Variants in CNTNAP2 observed in about 807,000 individuals in gnomAD.
CNTNAP2 encodes contactin-associated protein-like 2.
Under a neutral mutation model 155.2 loss-of-function variants are expected in CNTNAP2, and 98 were observed. The ratio of observed to expected loss-of-function variants is 0.63; its 90% CI spans 0.54 to 0.75. The LOEUF is 0.75. Among genes scored for constraint, CNTNAP2 ranks in the 30% least tolerant of loss-of-function variants. The pLI is 0.00. For missense variants in CNTNAP2, 1,727 were observed against 1,688.1 expected (o/e 1.02, Z -0.40); for synonymous variants, 651 against 631.2 (o/e 1.03, Z -0.47).
At chr7:146,238,191 A>G (rs527413192) in intron 1 of CNTNAP2, among the ~76,000 whole-genome samples, 3 of 152,316 alleles carry the variant, frequency 2.0e-5, no homozygotes, top group African/African-American at 7.2e-5. Flanking sequence ...ATATTTTCAT[A>G]AAGCTCTTCT....
At chr7:146,767,959 C>G (rs1802226680) in intron 1 of CNTNAP2, among the ~76,000 whole-genome samples, 1 of 151,958 alleles carries the variant, frequency 6.6e-6, no homozygotes, top group Non-Finnish European at 1.5e-5. Context: ...ACGCCTTTCA[C>G]CAAAAAGTAT....
At chr7:147,539,760 A>C (rs1360198660) in intron 11 of CNTNAP2, among the ~76,000 whole-genome samples, 1 of 152,236 alleles carries the variant, frequency 6.6e-6, no homozygotes, top group African/African-American at 2.4e-5. Flanking sequence ...CACAACCCAA[A>C]GAATCAGGGA....
In CNTNAP2 at chr7:146,679,618, G is replaced by C. The variant is rs140214896; in HGVS notation, c.98-94653G>C. ...GATCCGCCTGCCTTGGCCTCCCAAA[G>C]TGCTAGGATTACAGGCGTGAGCCAC... On this transcript the variant is annotated intron_variant, in intron 1 of 23. Coordinates refer to ENST00000361727, the MANE Select transcript of CNTNAP2 (RefSeq NM_014141.6). Among the ~76,000 whole-genome samples the C allele has an allele frequency of 3.5e-4, 54 of 152,202 alleles. 4 individuals carry two copies. The East Asian group carries it at 0.01, about 29-fold the overall frequency.
At position 148,229,798 on chromosome 7, in the gene CNTNAP2, A is replaced by G. The variant is rs1331301338; in HGVS notation, c.3381+19A>G. On this transcript the variant is annotated intron_variant, in intron 20 of 23. Coordinates refer to ENST00000361727, the MANE Select transcript of CNTNAP2 (RefSeq NM_014141.6). ...TCTCAAGGTATACATACATGTACATATAAATTACATATAATATCGCATTAT... is the reference window on the plus strand; with the variant it reads ...TCTCAAGGTATACATACATGTACATGTAAATTACATATAATATCGCATTAT... 3 of 1,613,750 alleles carry G rather than the reference A, an allele frequency of 1.9e-6. No individual in the cohort carries two copies. Among genetic ancestry groups the G allele is most frequent in the Non-Finnish European group, 2.5e-6 (3 of 1,179,842 alleles).
At position 147,991,663 on chromosome 7, in the gene CNTNAP2, A is replaced by G. The variant is rs145487495; in HGVS notation, c.2383+13674A>G. 9.0e-3 allele frequency among the ~76,000 whole-genome samples: 1,373 copies of G among 152,342 alleles called. 12 individuals carry two copies. Among genetic ancestry groups the G allele is most frequent in the Non-Finnish European group, 0.015 (1,022 of 68,042 alleles). The stretch of plus-strand genomic sequence containing the variant: ...GATGCACATGAAGTATTAAATTTAT[A>G]TAACTCATTGTTTAATCTAAATTAG... On this transcript the variant is annotated intron_variant, in intron 15 of 23. Coordinates refer to ENST00000361727, the MANE Select transcript of CNTNAP2 (RefSeq NM_014141.6).
chr7:147,625,298 G>A (rs1388934368), intron 12 of CNTNAP2, among the ~76,000 whole-genome samples: 1 of 152,114 alleles, frequency 6.6e-6, no homozygotes, highest in African/African-American at 2.4e-5. Context: ...TTGAGTGGAT[G>A]GATACCTCCT....
intron 11 of CNTNAP2, among the ~76,000 whole-genome samples, chr7:147,533,919 A>G (rs1799490691): frequency 1.3e-5 from 2 of 152,368 alleles, no homozygotes; most frequent in East Asian, 1.9e-4. Context: ...AAACCGTTTC[A>G]TTCTTAACAT....
At chr7:147,606,062 A>ACC (rs1801057948) in intron 12 of CNTNAP2, among the ~76,000 whole-genome samples, 1 of 152,184 alleles carries the variant, frequency 6.6e-6, no homozygotes, top group Non-Finnish European at 1.5e-5. Flanking sequence ...CAGCCTGTTC[A>ACC]CCGTTCACTA....
At chr7:147,958,965 A>C (rs1171750631) in intron 14 of CNTNAP2, among the ~76,000 whole-genome samples, 6 of 152,170 alleles carry the variant, frequency 3.9e-5, no homozygotes. Context: ...AGTGCAACAC[A>C]TCTAAGGACC....
chr7:147,948,179 G>T (rs1422371704), intron 14 of CNTNAP2, among the ~76,000 whole-genome samples: 1 of 151,892 alleles, frequency 6.6e-6, no homozygotes, highest in Admixed American at 6.6e-5. Context: ...TTTCATTCTA[G>T]GGGGAGGGGG....
intron 12 of CNTNAP2, among the ~76,000 whole-genome samples, chr7:147,630,026 A>C (rs1303128911): frequency 2.0e-5 from 3 of 151,904 alleles, no homozygotes; most frequent in Non-Finnish European, 4.4e-5. Context: ...AGATAAATGA[A>C]AAAAAGTGGG....
chr7:147,280,377 C>A (rs1805007020), intron 8 of CNTNAP2, among the ~76,000 whole-genome samples: 1 of 151,888 alleles, frequency 6.6e-6, no homozygotes, highest in Admixed American at 6.6e-5. Flanking sequence ...ATTCAGGCGT[C>A]TCTTACAGGG....
At chr7:146,470,886 A>T (rs1434422371) in intron 1 of CNTNAP2, among the ~76,000 whole-genome samples, 1 of 151,742 alleles carries the variant, frequency 6.6e-6, no homozygotes, top group South Asian at 2.1e-4. Flanking sequence ...ATTTTTTTTT[A>T]TCTGAATCCC....
At chr7:147,637,374 T>A (rs1254912145) in intron 12 of CNTNAP2, among the ~76,000 whole-genome samples, 1 of 152,064 alleles carries the variant, frequency 6.6e-6, no homozygotes, top group Non-Finnish European at 1.5e-5. Context: ...ATGGGCAGGC[T>A]TGATGATGAA....
In CNTNAP2 at chr7:146,715,617, A is replaced by C. The variant is rs886182154; in HGVS notation, c.98-58654A>C. Among the ~76,000 whole-genome samples the C allele has an allele frequency of 3.9e-5, 6 of 152,308 alleles. 1 individual carries two copies. The highest frequency in any genetic ancestry group is 3.4e-3 in the Middle Eastern group (1 of 294). On this transcript the variant is annotated intron_variant, in intron 1 of 23. Coordinates refer to ENST00000361727, the MANE Select transcript of CNTNAP2 (RefSeq NM_014141.6). Reference sequence around the variant, plus strand: ...CCATTTGGCACTGAGGAACAAAAGAAAATCACCCTACCTAAAGTGATGGGG... The same window carrying C: ...CCATTTGGCACTGAGGAACAAAAGACAATCACCCTACCTAAAGTGATGGGG...
chr7:148,241,807 A>G (rs780318631), intron 20 of CNTNAP2, among the ~76,000 whole-genome samples: 15 of 152,212 alleles, frequency 9.9e-5, no homozygotes, highest in Non-Finnish European at 1.9e-4. Context: ...CACATTTTTC[A>G]TTTGTTTTCT....
chr7:146,188,799 T>C (rs1798659915), intron 1 of CNTNAP2, among the ~76,000 whole-genome samples: 1 of 152,240 alleles, frequency 6.6e-6, no homozygotes, highest in Non-Finnish European at 1.5e-5. Context: ...CACTGAGTTA[T>C]TGAACTTGCA....
At chr7:146,547,860 A>G (rs1222238321) in intron 1 of CNTNAP2, among the ~76,000 whole-genome samples, 2 of 150,264 alleles carry the variant, frequency 1.3e-5, no homozygotes, top group Non-Finnish European at 3.0e-5. Context: ...TTTTTTTTAA[A>G]GGAACCTTAA....
At chr7:147,660,778 A>G (rs1490331917) in intron 13 of CNTNAP2, among the ~76,000 whole-genome samples, 2 of 152,226 alleles carry the variant, frequency 1.3e-5, no homozygotes, top group Non-Finnish European at 2.9e-5. Flanking sequence ...AAGACATTTC[A>G]AACAGCCTTT....
Sources: allele counts gnomAD v4.1 joint callset (sites outside exome capture counted in the v4.1 genomes callset), GRCh38; gene constraint gnomAD v4.1.1; transcripts MANE v1.5; gene names NCBI Gene and HGNC (gene_info 2026-07-23, HGNC 2026-07-21).